The following IQSEC3 variants were observed in gnomAD, a reference collection of about 807,000 sequenced individuals.
IQSEC3 encodes IQ motif and Sec7 domain ArfGEF 3, also known as IQ motif and SEC7 domain-containing protein 3.
In IQSEC3, 50 loss-of-function variants were observed where a neutral mutation model predicts 105.4. The ratio of observed to expected loss-of-function variants is 0.47; its 90% CI spans 0.38 to 0.60. The LOEUF is 0.60. Among genes scored for constraint, IQSEC3 ranks in the 20% least tolerant of loss-of-function variants. The probability of loss-of-function intolerance (pLI) is 0.00; values close to 1 mark genes in which losing one functional copy is unlikely to be tolerated. For missense variants in IQSEC3, 1,415 were observed against 1,630.0 expected (o/e 0.87, Z 2.27); for synonymous variants, 708 against 746.0 (o/e 0.95, Z 0.83).
intron 13 of IQSEC3, among the ~76,000 whole-genome samples, chr12:172,828 G>A (rs1270239555): frequency 6.6e-6 from 1 of 152,228 alleles, no homozygotes; most frequent in Non-Finnish European, 1.5e-5. Context: ...GACCACTAAA[G>A]AGGAAGGATC....
At chr12:145,380 C>T (rs1555090693) in intron 5 of IQSEC3, among the ~76,000 whole-genome samples, 1 of 152,158 alleles carries the variant, frequency 6.6e-6, no homozygotes, top group Non-Finnish European at 1.5e-5. Context: ...CCCAAGTGCT[C>T]CTCCTACCTC....
At chr12:70,832 C>T (rs376404261) in intron 1 of IQSEC3, among the ~76,000 whole-genome samples, 318 of 152,352 alleles carry the variant, frequency 2.1e-3, no homozygotes, top group African/African-American at 7.3e-3. Context: ...ATCTCCTACT[C>T]CAAATCCCAA....
At position 112,159 on chromosome 12, in the gene IQSEC3, A is replaced by G. The variant is rs146180713; in HGVS notation, c.623+12945A>G. 2.0e-4 allele frequency among the ~76,000 whole-genome samples: 30 copies of G among 152,242 alleles called. 1 individual carries two copies. The Middle Eastern group carries it at 0.017, about 86-fold the overall frequency. On this transcript the variant is annotated intron_variant, in intron 2 of 13. Coordinates refer to ENST00000538872, the MANE Select transcript of IQSEC3 (RefSeq NM_001170738.2). ...AATCCTAGCTAGCTCAGGGGCTCATAAAGTATTTGATTTATGACCGAAGTA... is the reference window on the plus strand; with the variant it reads ...AATCCTAGCTAGCTCAGGGGCTCATGAAGTATTTGATTTATGACCGAAGTA...
chr12:136,256 TTGGGAA>T (rs58749958), intron 3 of IQSEC3, among the ~76,000 whole-genome samples: 32,916 of 152,008 alleles, frequency 0.22, 3,983 homozygotes, highest in Non-Finnish European at 0.26. Context: ...GTCCCCAGGT[TTGGGAA>T]TGGGGAATGG....
chr12:176,500 A>C lies in IQSEC3; in HGVS notation c.*1467A>C, dbSNP rs1939241445. On this transcript the variant is annotated 3_prime_UTR_variant, in exon 14 of 14. Coordinates refer to ENST00000538872, the MANE Select transcript of IQSEC3 (RefSeq NM_001170738.2). This position sits in a 1 kb window ranked among gnomAD's most constrained non-coding sequence, Gnocchi z 4.0. ...AGGCCTCCTGGGAGAGGCAGTGAGCATGAGTCAAAGGTGACATGGACTTGA... is the reference window on the plus strand; with the variant it reads ...AGGCCTCCTGGGAGAGGCAGTGAGCCTGAGTCAAAGGTGACATGGACTTGA... 6.6e-6 allele frequency: 1 copy of C among 152,258 alleles called. No individual in the cohort carries two copies. Among genetic ancestry groups the C allele is most frequent in the African/African-American group, 2.4e-5 (1 of 41,452 alleles). The allele number at this position is 152,258 out of a possible 1,614,324, so 9.4% of individuals were successfully genotyped here.
At chr12:132,644 G>A (rs542632911) in intron 3 of IQSEC3, among the ~76,000 whole-genome samples, 2 of 152,270 alleles carry the variant, frequency 1.3e-5, no homozygotes, top group East Asian at 3.9e-4. Flanking sequence ...AAACACAGTG[G>A]ACAGGGCAAA....
At chr12:146,255 AG>A (rs1866264092) in intron 5 of IQSEC3, among the ~76,000 whole-genome samples, 3 of 152,216 alleles carry the variant, frequency 2.0e-5, no homozygotes, top group African/African-American at 7.2e-5. Context: ...CTTATTCCTG[AG>A]GAATTCCCAT....
chr12:75,869 A>G (rs1209148675), intron 1 of IQSEC3, among the ~76,000 whole-genome samples: 1 of 152,270 alleles, frequency 6.6e-6, no homozygotes, highest in Non-Finnish European at 1.5e-5. Context: ...AGCTGAGCCC[A>G]TGCGGAAAGC....
chr12:155,239 T>G (rs7956300), intron 5 of IQSEC3, among the ~76,000 whole-genome samples: 148,748 of 152,292 alleles, frequency 0.98, 72,732 homozygotes, highest in East Asian at 1. Flanking sequence ...TCCCCAGCCG[T>G]CAGCTCAACC....
In IQSEC3 at chr12:139,321, G is replaced by A; in HGVS notation, c.1958G>A (p.Arg653Gln). 1 of 1,592,254 alleles carries A rather than the reference G, an allele frequency of 6.3e-7. No homozygotes were observed. The highest frequency in any genetic ancestry group is 8.5e-7 in the Non-Finnish European group (1 of 1,170,302). The change falls in exon 4 of 14, where the codon CGG becomes CAG. Residue 653 changes from arginine (R) to glutamine (Q), a missense_variant. Transcript: ENST00000538872. ...PTLSTDTLRK[R>Q]LYRIGLNLFN... ...CTCTCCACCGACACCCTGCGCAAGC[G>A]GCTCTACCGCATCGGCCTCAACCTC... is the stretch of plus-strand genomic sequence containing the variant.
intron 1 of IQSEC3, among the ~76,000 whole-genome samples, chr12:95,053 T>C (rs1271351395): frequency 6.6e-6 from 1 of 152,124 alleles, no homozygotes; most frequent in African/African-American, 2.4e-5. Context: ...CATCTCCTCA[T>C]TCCATTTTCC....
intron 5 of IQSEC3, chr12:141,605 G>A: frequency 3.3e-6 from 1 of 307,320 alleles, no homozygotes. Flanking sequence ...AAAGGAAAGG[G>A]CTTGTGTCAG....
chr12:115,611 G>T (rs138622727), intron 2 of IQSEC3, among the ~76,000 whole-genome samples: 2 of 152,316 alleles, frequency 1.3e-5, no homozygotes, highest in East Asian at 3.9e-4. Context: ...TCAAGTAGAT[G>T]CCATAGGCTT....
intron 5 of IQSEC3, chr12:141,775 T>G (rs1163891704): frequency 1.3e-5 from 2 of 155,330 alleles, no homozygotes; most frequent in East Asian, 1.9e-4. Flanking sequence ...AATACTACAA[T>G]TCCATAAAGA....
chr12:154,371 A>G (rs959361662), intron 5 of IQSEC3, among the ~76,000 whole-genome samples: 86 of 152,116 alleles, frequency 5.7e-4, no homozygotes, highest in African/African-American at 1.8e-3. Context: ...CACCCCCACC[A>G]TTGCAGGGTG....
intron 13 of IQSEC3, among the ~76,000 whole-genome samples, chr12:171,785 G>A (rs1939012393): frequency 6.6e-6 from 1 of 152,206 alleles, no homozygotes; most frequent in African/African-American, 2.4e-5. Context: ...ATGAGACAGA[G>A]TAGGGTGGGG....
chr12:76,532 A>G (rs1412203620), intron 1 of IQSEC3, among the ~76,000 whole-genome samples: 1 of 152,188 alleles, frequency 6.6e-6, no homozygotes. Context: ...CGCCATCAGC[A>G]CTCCCAGTTC....
intron 1 of IQSEC3, among the ~76,000 whole-genome samples, chr12:85,838 G>C (rs1863900072): frequency 6.6e-6 from 1 of 152,222 alleles, no homozygotes; most frequent in Non-Finnish European, 1.5e-5. Flanking sequence ...TGTTGATACT[G>C]ATGAGTAGGT....
chr12:163,860 G>A (rs1206111011), intron 9 of IQSEC3, among the ~76,000 whole-genome samples: 1 of 152,084 alleles, frequency 6.6e-6, no homozygotes, highest in Non-Finnish European at 1.5e-5. Context: ...TGATCTGCTC[G>A]TGGTTGCACA....
Sources: gnomAD v4.1 joint callset for allele counts (sites outside exome capture counted in the v4.1 genomes callset) on GRCh38, gnomAD v4.1.1 for gene constraint, Gnocchi (gnomAD v3.1) non-coding constraint, MANE v1.5 for transcripts, NCBI Gene and HGNC (gene_info 2026-07-23, HGNC 2026-07-21) for gene names.